Variants in ADGB observed in about 807,000 individuals in gnomAD.
The protein encoded by ADGB is calpain-7-like protein.
In ADGB, 172 loss-of-function variants were observed where a neutral mutation model predicts 210.5. That is an observed-to-expected ratio of 0.82 (90% CI 0.72 to 0.93). The LOEUF (loss-of-function observed/expected upper bound fraction) is 0.93, where lower values mean the gene tolerates loss of function less well. Among genes scored for constraint, ADGB ranks in the 40% least tolerant of loss-of-function variants. The pLI, the probability that ADGB is intolerant of heterozygous loss-of-function variation, is 0.00. For missense variants in ADGB, 2,025 were observed against 1,964.8 expected (o/e 1.03, Z -0.58); for synonymous variants, 658 against 662.7 (o/e 0.99, Z 0.11).
intron 13 of ADGB, among the ~76,000 whole-genome samples, chr6:146,714,586 A>G (rs1776704703): frequency 6.6e-6 from 1 of 152,218 alleles, no homozygotes; most frequent in African/African-American, 2.4e-5. Context: ...TGTTTAGGCA[A>G]AAGAAGACTG....
At chr6:146,743,809 G>A (rs1395047407) in intron 25 of ADGB, among the ~76,000 whole-genome samples, 1 of 152,168 alleles carries the variant, frequency 6.6e-6, no homozygotes, top group African/African-American at 2.4e-5. Flanking sequence ...AGCTACTAGG[G>A]AGGCTGAGGC....
At chr6:146,739,143 A>G (rs1777125919) in intron 23 of ADGB, among the ~76,000 whole-genome samples, 1 of 152,146 alleles carries the variant, frequency 6.6e-6, no homozygotes, top group Admixed American at 6.6e-5. Context: ...CTCTTATTTT[A>G]GAATGGTGGC....
chr6:146,599,860 T>C (rs1214791778), intron 1 of ADGB, among the ~76,000 whole-genome samples: 1 of 152,166 alleles, frequency 6.6e-6, no homozygotes, highest in African/African-American at 2.4e-5. Flanking sequence ...ATTCCCACTG[T>C]GAGAGAATCC....
intron 5 of ADGB, 70 bp downstream of exon 5, chr6:146,657,050 T>A: frequency 1.5e-6 from 2 of 1,339,570 alleles, no homozygotes; most frequent in African/African-American, 1.5e-5. Context: ...CCTGGCATGG[T>A]GGCTCATGCC....
intron 16 of ADGB, among the ~76,000 whole-genome samples, chr6:146,720,383 A>T (rs1192524364): frequency 3.3e-5 from 5 of 152,306 alleles, no homozygotes; most frequent in African/African-American, 1.2e-4. Flanking sequence ...GTATAATTAG[A>T]TACATTAATA....
chr6:146,798,881 A>C (rs148833076), intron 33 of ADGB, among the ~76,000 whole-genome samples: 1 of 152,148 alleles, frequency 6.6e-6, no homozygotes, highest in East Asian at 1.9e-4. Context: ...AAACATCACC[A>C]AAGGAAATTT....
At chr6:146,686,201 C>T (rs1049796931) in intron 10 of ADGB, among the ~76,000 whole-genome samples, 4 of 152,108 alleles carry the variant, frequency 2.6e-5, no homozygotes, top group East Asian at 1.9e-4. Flanking sequence ...AGGCCACATG[C>T]GTTTTCTTAA....
intron 1 of ADGB, among the ~76,000 whole-genome samples, chr6:146,622,896 C>T (rs184871841): frequency 4.4e-4 from 67 of 152,090 alleles, no homozygotes; most frequent in African/African-American, 1.1e-3. Flanking sequence ...TAATGCAAAG[C>T]GTAAATTGAT....
intron 10 of ADGB, among the ~76,000 whole-genome samples, chr6:146,689,632 A>G (rs546582515): frequency 5.5e-4 from 83 of 152,268 alleles, no homozygotes; most frequent in Non-Finnish European, 1.0e-3. Context: ...AAAAATTATG[A>G]CTAGTAAAGT....
chr6:146,701,124 T>TC, intron 13 of ADGB, 54 bp downstream of exon 13: 1 of 1,535,360 alleles, frequency 6.5e-7, no homozygotes, highest in Non-Finnish European at 8.8e-7. Context: ...AAGATTTTTT[T>TC]CCTTACATTG....
At chr6:146,673,925 G>A (rs754553836) in intron 8 of ADGB, among the ~76,000 whole-genome samples, 12 of 152,126 alleles carry the variant, frequency 7.9e-5, no homozygotes, top group Non-Finnish European at 1.6e-4. Flanking sequence ...AGATGAAGGA[G>A]GCTGAGACTG....
At chr6:146,660,551 C>T (rs1415384400) in intron 5 of ADGB, among the ~76,000 whole-genome samples, 1 of 152,120 alleles carries the variant, frequency 6.6e-6, no homozygotes, top group East Asian at 1.9e-4. Flanking sequence ...CTTTTCCCTA[C>T]ACACAGTCAT....
chr6:146,620,362 C>T (rs1318414065), intron 1 of ADGB, among the ~76,000 whole-genome samples: 1 of 152,070 alleles, frequency 6.6e-6, no homozygotes, highest in Admixed American at 6.6e-5. Flanking sequence ...TTTAGATATG[C>T]TTTCTAGGCA....
chr6:146,734,059 A>T, intron 22 of ADGB, 29 bp downstream of exon 22: 1 of 1,542,656 alleles, frequency 6.5e-7, no homozygotes, highest in Non-Finnish European at 8.8e-7. Context: ...TTATAAAATG[A>T]ACTTGTTTGT....
At chr6:146,796,418 A>G (rs549418982) in intron 33 of ADGB, among the ~76,000 whole-genome samples, 11 of 152,262 alleles carry the variant, frequency 7.2e-5, no homozygotes, top group African/African-American at 2.4e-4. Context: ...CCAAAGCAAG[A>G]CTAAGCAAAA....
chr6:146,804,306 T>C (rs566645186), intron 35 of ADGB, among the ~76,000 whole-genome samples: 1 of 152,200 alleles, frequency 6.6e-6, no homozygotes, highest in Non-Finnish European at 1.5e-5. Context: ...CTAAAGCCTA[T>C]AGGAAATTCT....
Position 146,651,517 on chromosome 6 carries a change from G to A in ADGB, c.331-2618G>A, listed in dbSNP as rs2114879476. Among the ~76,000 whole-genome samples the A allele has an allele frequency of 1.3e-5, 2 of 152,280 alleles. 1 individual carries two copies. Among genetic ancestry groups the A allele is most frequent in the East Asian group, 3.9e-4 (2 of 5,176 alleles). ...GGGCTAATTGAGGGAGTTTAAGAAGGAAAACTTGGTAGGCGAAACATGTAC... is the reference window on the plus strand; with the variant it reads ...GGGCTAATTGAGGGAGTTTAAGAAGAAAAACTTGGTAGGCGAAACATGTAC... On this transcript the variant is annotated intron_variant, in intron 3 of 35. Transcript: ENST00000397944.
At chr6:146,653,176 C>T (rs1775728733) in intron 3 of ADGB, among the ~76,000 whole-genome samples, 1 of 151,964 alleles carries the variant, frequency 6.6e-6, no homozygotes. Context: ...CTGTCACTGT[C>T]TCCAGTCACC....
At chr6:146,634,887 T>A (rs754743600) in intron 1 of ADGB, among the ~76,000 whole-genome samples, 1 of 152,014 alleles carries the variant, frequency 6.6e-6, no homozygotes, top group Non-Finnish European at 1.5e-5. Context: ...GACGATCTTA[T>A]ACAATCCTTA....
Sources: gnomAD v4.1 joint callset for allele counts (sites outside exome capture counted in the v4.1 genomes callset) on GRCh38, gnomAD v4.1.1 for gene constraint, MANE v1.5 for transcripts, NCBI Gene and HGNC (gene_info 2026-07-23, HGNC 2026-07-21) for gene names.